The following GALNT17 variants were observed in gnomAD, a reference collection of about 807,000 sequenced individuals.
The protein encoded by GALNT17 is polypeptide N-acetylgalactosaminyltransferase 17.
In GALNT17, 29 loss-of-function variants were observed where a neutral mutation model predicts 63.7. The observed-to-expected ratio is 0.46, with a 90% confidence interval of 0.34 to 0.62. The LOEUF (loss-of-function observed/expected upper bound fraction) is 0.62. Among genes scored for constraint, GALNT17 ranks in the 20% least tolerant of loss-of-function variants. The pLI is 0.01. For synonymous variants in GALNT17, 305 were observed against 318.3 expected (o/e 0.96, Z 0.45); for missense variants, 603 against 799.6 (o/e 0.75, Z 2.97).
chr7:71,572,504 T>TAAAAAAAAAAA lies in GALNT17; in HGVS notation c.1080+1118_1080+1128dup, dbSNP rs371372359. 7.9e-4 allele frequency among the ~76,000 whole-genome samples: 35 copies of TAAAAAAAAAAA among 44,490 alleles called. 2 individuals are homozygous for TAAAAAAAAAAA. The highest frequency in any genetic ancestry group is 3.3e-3 in the African/African-American group (32 of 9,598). The allele number at this position is 44,490 out of a possible 152,430, so 29.2% of individuals were successfully genotyped here. On this transcript the variant is annotated intron_variant, in intron 6 of 10. Transcript: ENST00000333538. ...GCAACAGAGCAAGACCCTGTCTCAT[T>TAAAAAAAAAAA]AAAAAAAAAAAAAAAAAAAAAAAAA...
intron 5 of GALNT17, among the ~76,000 whole-genome samples, chr7:71,550,315 TTATAAC>T (rs1157090415): frequency 6.6e-6 from 1 of 152,176 alleles, no homozygotes; most frequent in Non-Finnish European, 1.5e-5. Flanking sequence ...TGTTTTGACT[TTATAAC>T]TAGCATTATT....
rs918365209 is a variant in GALNT17 at position 71,564,703 on chromosome 7, C to T, written c.963-6582C>T. Among the ~76,000 whole-genome samples the T allele has an allele frequency of 5.3e-5, 8 of 152,292 alleles. No individual in the cohort carries two copies. The South Asian group carries it at 1.5e-3, about 28-fold the overall frequency. On this transcript the variant is annotated intron_variant, in intron 5 of 10. Coordinates refer to ENST00000333538, the MANE Select transcript of GALNT17 (RefSeq NM_022479.3). ...ATCTGTGGGTTCTGATGAGGCCCGC[C>T]TGGGACACAGGTGGAGGTCTGGTTT... is the stretch of plus-strand genomic sequence containing the variant.
chr7:71,250,462 G>A (rs1226636124), intron 1 of GALNT17, among the ~76,000 whole-genome samples: 3 of 150,386 alleles, frequency 2.0e-5, no homozygotes, highest in Admixed American at 6.7e-5. Flanking sequence ...GTGTTTTTAC[G>A]ATTGATATCC....
chr7:71,139,577 C>T (rs1010351645), intron 1 of GALNT17, among the ~76,000 whole-genome samples: 1 of 152,112 alleles, frequency 6.6e-6, no homozygotes, highest in Non-Finnish European at 1.5e-5. Context: ...GAAACCAAGA[C>T]GCTCCTATAT....
At chr7:71,395,390 A>G (rs76682333) in intron 3 of GALNT17, among the ~76,000 whole-genome samples, 1 of 152,176 alleles carries the variant, frequency 6.6e-6, no homozygotes, top group African/African-American at 2.4e-5. Flanking sequence ...TCAAGGTTCA[A>G]CCAAATTGTG....
At chr7:71,510,065 C>G (rs12699042) in intron 5 of GALNT17, among the ~76,000 whole-genome samples, 1 of 151,714 alleles carries the variant, frequency 6.6e-6, no homozygotes, top group Admixed American at 6.6e-5. Context: ...CTGCCTTGGT[C>G]TCCCGAGTAG....
intron 6 of GALNT17, among the ~76,000 whole-genome samples, chr7:71,618,197 C>T (rs1584093407): frequency 1.3e-5 from 2 of 152,114 alleles, no homozygotes; most frequent in East Asian, 1.9e-4. Context: ...ATATGTAACA[C>T]ATTTCCTTTA....
chr7:71,139,959 A>T (rs1054416262), intron 1 of GALNT17, among the ~76,000 whole-genome samples: 11 of 152,144 alleles, frequency 7.2e-5, no homozygotes, highest in African/African-American at 2.4e-4. Context: ...GCGCCCCTGC[A>T]CTCCAGCCAG....
intron 5 of GALNT17, among the ~76,000 whole-genome samples, chr7:71,552,242 G>T (rs542444814): frequency 2.6e-4 from 40 of 151,726 alleles, no homozygotes; most frequent in African/African-American, 9.7e-4. Context: ...ACGGGGTTTG[G>T]CCATGTTGGC....
intron 6 of GALNT17, among the ~76,000 whole-genome samples, chr7:71,601,068 A>T (rs544091359): frequency 2.6e-5 from 4 of 152,172 alleles, no homozygotes; most frequent in African/African-American, 7.2e-5. Flanking sequence ...AATCTCATCC[A>T]GCTCACTGCA....
intron 1 of GALNT17, among the ~76,000 whole-genome samples, chr7:71,215,395 A>C (rs916472555): frequency 1.2e-4 from 18 of 152,110 alleles, no homozygotes; most frequent in African/African-American, 4.1e-4. Flanking sequence ...TGTGTTTTGA[A>C]ACGGTCTTGT....
At chr7:71,643,266 G>A (rs1290750501) in intron 6 of GALNT17, among the ~76,000 whole-genome samples, 1 of 152,108 alleles carries the variant, frequency 6.6e-6, no homozygotes, top group Middle Eastern at 3.2e-3. Context: ...TCAGGAGTTT[G>A]AGACCAGCCT....
chr7:71,522,200 G>A (rs935555545), intron 5 of GALNT17, among the ~76,000 whole-genome samples: 3 of 152,114 alleles, frequency 2.0e-5, no homozygotes, highest in Non-Finnish European at 2.9e-5. Context: ...TCCTTGGCAT[G>A]GTGTCAATGT....
intron 9 of GALNT17, among the ~76,000 whole-genome samples, chr7:71,684,136 T>C (rs1380865914): frequency 6.6e-6 from 1 of 152,092 alleles, no homozygotes; most frequent in Non-Finnish European, 1.5e-5. Flanking sequence ...TACCAGGCTG[T>C]TGCCCTCCTG....
chr7:71,475,031 C>T (rs1372632892), intron 5 of GALNT17, among the ~76,000 whole-genome samples: 1 of 152,024 alleles, frequency 6.6e-6, no homozygotes, highest in African/African-American at 2.4e-5. Context: ...TGAATGGCCT[C>T]TCCCCTGGAG....
chr7:71,615,372 C>G (rs1285166431), intron 6 of GALNT17, among the ~76,000 whole-genome samples: 1 of 151,820 alleles, frequency 6.6e-6, no homozygotes, highest in Non-Finnish European at 1.5e-5. Flanking sequence ...GTCACTGATA[C>G]TGAGATCATG....
At chr7:71,449,108 C>CTTTTTCTTTTT (rs1787211364) in intron 5 of GALNT17, among the ~76,000 whole-genome samples, 1 of 72,754 alleles carries the variant, frequency 1.4e-5, no homozygotes, top group Non-Finnish European at 2.3e-5. Flanking sequence ...TGCCTATTTT[C>CTTTTTCTTTTT]TTTTTTTTTT....
At chr7:71,553,222 G>A (rs1789109459) in intron 5 of GALNT17, among the ~76,000 whole-genome samples, 1 of 152,044 alleles carries the variant, frequency 6.6e-6, no homozygotes, top group Non-Finnish European at 1.5e-5. Flanking sequence ...GGCTACTTTG[G>A]GGGCTGAGGT....
intron 3 of GALNT17, among the ~76,000 whole-genome samples, chr7:71,392,768 C>T (rs372816601): frequency 2.6e-5 from 4 of 152,222 alleles, no homozygotes; most frequent in South Asian, 2.1e-4. Context: ...CGGGAGTTGA[C>T]GATATTAACA....
Sources: gnomAD v4.1 joint callset for allele counts (sites outside exome capture counted in the v4.1 genomes callset) on GRCh38, gnomAD v4.1.1 for gene constraint, MANE v1.5 for transcripts, NCBI Gene and HGNC (gene_info 2026-07-23, HGNC 2026-07-21) for gene names.